ACOT12: variants seen among roughly 807,000 people sequenced by gnomAD.
ACOT12 encodes acyl-CoA thioesterase 12.
ACOT12 carries 51 observed loss-of-function variants against 67.7 expected under a neutral mutation model. That is an observed-to-expected ratio of 0.75 (90% CI 0.60 to 0.95). ACOT12 has a LOEUF of 0.95. Ranked by LOEUF, ACOT12 falls within the 40% of genes least tolerant of loss-of-function variation. The pLI is 0.00. For missense variants in ACOT12, 734 were observed against 708.1 expected, an observed-to-expected ratio of 1.04 and a Z score of -0.41; for synonymous variants, 251 against 244.6, an observed-to-expected ratio of 1.03 and a Z score of -0.24.
rs117448241 is a variant in ACOT12 at position 81,338,453 on chromosome 5, T to C, written c.1129-2552A>G. ...CTCCCCCTCTCTCTTCCTCCTGCTC[T>C]AGCCATGTAGGACGTGCCTGCTTCC... On this transcript the variant is annotated intron_variant, in intron 11 of 14. Transcript: ENST00000307624. Among the ~76,000 whole-genome samples, 380 of 152,284 alleles carry C rather than the reference T, an allele frequency of 2.5e-3. 2 individuals are homozygous for C. Among genetic ancestry groups the C allele is most frequent in the East Asian group, 0.014 (75 of 5,174 alleles).
At chr5:81,308,857 AT>A in the ACOT12 span, 2 of 1,391,002 alleles carry the variant, frequency 1.4e-6, no homozygotes, top group Non-Finnish European at 1.9e-6. Context: ...ATGTAAATAT[AT>A]TTTTTATTCA....
At chr5:81,312,691 C>A in the ACOT12 span, 1 of 1,508,596 alleles carries the variant, frequency 6.6e-7, no homozygotes, top group Non-Finnish European at 9.2e-7. Flanking sequence ...TGAGTTACTA[C>A]CTCATTGTTA....
intron 4 of ACOT12, among the ~76,000 whole-genome samples, chr5:81,361,940 T>C (rs1759922117): frequency 6.6e-6 from 1 of 152,254 alleles, no homozygotes; most frequent in South Asian, 2.1e-4. Context: ...AGTAGTCCTA[T>C]GGGTTCAAAC....
intron 5 of ACOT12, among the ~76,000 whole-genome samples, chr5:81,350,070 A>G (rs1336873406): frequency 2.6e-5 from 4 of 152,154 alleles, no homozygotes; most frequent in African/African-American, 9.7e-5. Flanking sequence ...GTCTCTTTAT[A>G]TCATTTGCTT....
chr5:81,312,667 A>T, the ACOT12 span: 1 of 1,594,604 alleles, frequency 6.3e-7, no homozygotes. Flanking sequence ...TTTTGATAAC[A>T]GCTAGCACTA....
At chr5:81,355,556 C>A (rs74914995) in intron 5 of ACOT12, among the ~76,000 whole-genome samples, 6,322 of 152,168 alleles carry the variant, frequency 0.042, 416 homozygotes, top group African/African-American at 0.14. Context: ...ATGGTTCTGC[C>A]AAGTCAGAGG....
chr5:81,355,595 C>T (rs1463606510), intron 5 of ACOT12, among the ~76,000 whole-genome samples: 2 of 152,142 alleles, frequency 1.3e-5, no homozygotes, highest in African/African-American at 4.8e-5. Flanking sequence ...ATAAAAAAAG[C>T]GTTGGATAAG....
At chr5:81,332,632 G>A in intron 12 of ACOT12, 27 bp from the exon 13 acceptor site, 3 of 1,612,188 alleles carry the variant, frequency 1.9e-6, no homozygotes, top group Non-Finnish European at 2.5e-6. Flanking sequence ...GTGAAAAGCA[G>A]GTATACTTTC....
rs1400854438 is a variant in ACOT12, at chr5:81,380,563, G to GAA, written c.197+5192_197+5193dup. ...TGGGTGACAGAGTGAGACTGTCTTAGAAAAAAAAAAAAAAAAAGAAAAGAA... is the reference window on the plus strand; with the variant it reads ...TGGGTGACAGAGTGAGACTGTCTTAGAAAAAAAAAAAAAAAAAAAGAAAAGAA... On this transcript the variant is annotated intron_variant, in intron 2 of 14. Transcript: ENST00000307624. Among the ~76,000 whole-genome samples, 208 of 24,824 alleles carry GAA rather than the reference G, an allele frequency of 8.4e-3. 1 individual carries two copies. Among genetic ancestry groups the GAA allele is most frequent in the African/African-American group, 0.032 (177 of 5,612 alleles). The allele number at this position is 24,824 out of a possible 152,430, so 16.3% of individuals were successfully genotyped here.
At chr5:81,390,572 C>T (rs1255252092) in intron 1 of ACOT12, among the ~76,000 whole-genome samples, 1 of 150,920 alleles carries the variant, frequency 6.6e-6, no homozygotes, top group Non-Finnish European at 1.5e-5. Context: ...GGTACAATCT[C>T]GGCTCACTGC....
intron 4 of ACOT12, 112 bp downstream of exon 4, chr5:81,363,676 G>T: frequency 1.5e-6 from 1 of 648,860 alleles, no homozygotes; most frequent in Non-Finnish European, 2.4e-6. Context: ...AAATCTTGGG[G>T]AAGTATATCT....
chr5:81,380,465 G>C (rs1279087384), intron 2 of ACOT12, among the ~76,000 whole-genome samples: 1 of 151,002 alleles, frequency 6.6e-6, no homozygotes, highest in African/African-American at 2.4e-5. Flanking sequence ...TCGGGAGGCT[G>C]AGGCAGGAGA....
At chr5:81,388,055 C>T (rs148432861) in intron 1 of ACOT12, among the ~76,000 whole-genome samples, 191 of 152,056 alleles carry the variant, frequency 1.3e-3, no homozygotes, top group African/African-American at 4.6e-3. Context: ...TTAAGCATGT[C>T]GATTACATGA....
At chr5:81,311,148 T>G in the ACOT12 span, 2 of 1,558,012 alleles carry the variant, frequency 1.3e-6, no homozygotes, top group Non-Finnish European at 1.8e-6. Flanking sequence ...TGAAAGTGCT[T>G]TGAGATGTTA....
intron 2 of ACOT12, among the ~76,000 whole-genome samples, chr5:81,376,875 C>T (rs1580586805): frequency 6.6e-6 from 1 of 151,982 alleles, no homozygotes; most frequent in Non-Finnish European, 1.5e-5. Flanking sequence ...AAAGTCCAGG[C>T]CCAGATGGAT....
At chr5:81,325,565 G>A (rs934563779), downstream of ACOT12, among the ~76,000 whole-genome samples, 7 of 152,112 alleles carry the variant, frequency 4.6e-5, no homozygotes, top group Non-Finnish European at 4.4e-5. Context: ...AAACGGGGGG[G>A]CATGTAAAGC....
At chr5:81,312,379 G>T in the ACOT12 span, among the ~76,000 whole-genome samples, 5 of 152,130 alleles carry the variant, frequency 3.3e-5, no homozygotes, top group South Asian at 6.2e-4. Context: ...TGAAATCAAG[G>T]GTTATAATCA....
In ACOT12 at chr5:81,332,544, T is replaced by G. The variant is rs543485003; in HGVS notation, c.1324A>C (p.Ile442Leu). The G allele has an allele frequency of 6.2e-7, 1 of 1,614,128 alleles. No individual in the cohort carries two copies. The highest frequency in any genetic ancestry group is 8.5e-7 in the Non-Finnish European group (1 of 1,179,994). ...DDQLYHITCP[I>L]LNDDKPKDLV... The stretch of plus-strand genomic sequence containing the variant: ...TCTTTGGGTTTGTCATCATTCAGTA[T>G]AGGACAGGTGATGTGATACAGCTGA... The change falls in exon 13 of 15, where the codon ATA (isoleucine) becomes CTA (leucine). Residue 442 changes from isoleucine (I) to leucine (L), a missense_variant. Physicochemically the swap from Ile to Leu is conservative, Grantham distance 5. Coordinates refer to ENST00000307624, the MANE Select transcript of ACOT12 (RefSeq NM_130767.3).
Position 81,342,691 on chromosome 5 carries a change from A to T in ACOT12, c.1109T>A (p.Val370Asp), listed in dbSNP as rs772385751. The change falls in exon 11 of 15, where the codon GTT becomes GAT. Residue 370 changes from valine to aspartate, a missense_variant. Physicochemically the swap from Val to Asp is radical, Grantham distance 152. Coordinates refer to ENST00000307624, the MANE Select transcript of ACOT12 (RefSeq NM_130767.3). ...TCCTACCTTTTCCACAGTGCTGGTA[A>T]CCTCCCAACCCCTTTTGGCTGCCAG... ...KKLAAKRGWEVTSTVEKIKIY... is the reference protein window; with the variant it reads ...KKLAAKRGWEDTSTVEKIKIY... 5.0e-6 allele frequency: 8 copies of T among 1,614,036 alleles called. No individual in the cohort carries two copies. The highest frequency in any genetic ancestry group is 5.1e-6 in the Non-Finnish European group (6 of 1,179,990).
Sources: allele counts gnomAD v4.1 joint callset (sites outside exome capture counted in the v4.1 genomes callset), GRCh38; gene constraint gnomAD v4.1.1; transcripts MANE v1.5; gene names NCBI Gene and HGNC (gene_info 2026-07-23, HGNC 2026-07-21).